The following AKT3 variants were observed in gnomAD, a reference collection of about 807,000 sequenced individuals.
AKT3 encodes RAC-gamma serine/threonine-protein kinase.
A neutral mutation model predicts 65.3 loss-of-function variants in AKT3; 15 were observed. The observed-to-expected ratio is 0.23, with a 90% CI of 0.15 to 0.35. AKT3 has a LOEUF of 0.35. Ranked by LOEUF, AKT3 falls within the 10% of genes least tolerant of loss-of-function variation. The probability of loss-of-function intolerance (pLI) is 1.00; values close to 1 mark genes in which losing one functional copy is unlikely to be tolerated. For missense variants in AKT3, 243 were observed against 576.5 expected, an observed-to-expected ratio of 0.42 and a Z score of 5.92; for synonymous variants, 206 against 183.8, an observed-to-expected ratio of 1.12 and a Z score of -0.98.
chr1:243,630,778 G>A (rs1455495283), intron 6 of AKT3, among the ~76,000 whole-genome samples: 1 of 151,794 alleles, frequency 6.6e-6, no homozygotes, highest in Non-Finnish European at 1.5e-5. Flanking sequence ...CTATACTTAA[G>A]TCTTCGGTGC....
At chr1:243,719,083 C>T (rs1324621948) in intron 2 of AKT3, among the ~76,000 whole-genome samples, 1 of 152,132 alleles carries the variant, frequency 6.6e-6, no homozygotes, top group African/African-American at 2.4e-5. Flanking sequence ...ATAAGGTATG[C>T]AGTTCTATTC....
At chr1:243,527,328 TTTC>T (rs1671173663) in intron 12 of AKT3, among the ~76,000 whole-genome samples, 2 of 152,208 alleles carry the variant, frequency 1.3e-5, no homozygotes, top group South Asian at 4.1e-4. Context: ...GGCAAGATTT[TTTC>T]TTCTTTTCTG....
At chr1:243,792,420 A>G (rs892362820) in intron 2 of AKT3, among the ~76,000 whole-genome samples, 2 of 152,182 alleles carry the variant, frequency 1.3e-5, no homozygotes, top group Admixed American at 6.5e-5. Context: ...TGCTGACAAG[A>G]TATTATGGAA....
intron 2 of AKT3, among the ~76,000 whole-genome samples, chr1:243,817,559 G>A (rs1693607075): frequency 6.6e-6 from 1 of 152,176 alleles, no homozygotes; most frequent in Non-Finnish European, 1.5e-5. Flanking sequence ...TGGCCAACAT[G>A]GTGAAACCCC....
intron 2 of AKT3, among the ~76,000 whole-genome samples, chr1:243,803,810 T>C (rs1364342535): frequency 1.3e-5 from 2 of 152,192 alleles, no homozygotes; most frequent in Non-Finnish European, 2.9e-5. Flanking sequence ...CAATCAAGTT[T>C]GCCATCCCCC....
intron 6 of AKT3, among the ~76,000 whole-genome samples, chr1:243,630,398 C>G (rs1012518590): frequency 1.4e-4 from 21 of 152,138 alleles, no homozygotes; most frequent in African/African-American, 5.1e-4. Flanking sequence ...CACTAGAAAA[C>G]AAGTTATCTG....
intron 8 of AKT3, among the ~76,000 whole-genome samples, chr1:243,613,188 TACAC>T (rs3077730): frequency 1.4e-5 from 2 of 146,546 alleles, no homozygotes; most frequent in African/African-American, 2.5e-5. Context: ...CATATATACA[TACAC>T]ACACACACAT....
intron 1 of AKT3, among the ~76,000 whole-genome samples, chr1:243,846,285 TC>T (rs747121699): frequency 1.2e-4 from 18 of 152,094 alleles, no homozygotes; most frequent in Non-Finnish European, 2.2e-4. Context: ...ACATGTAAAA[TC>T]CTCCTAAAAT....
At chr1:243,628,117 CCCGGGCATTA>C (rs1679318876) in intron 6 of AKT3, among the ~76,000 whole-genome samples, 1 of 152,116 alleles carries the variant, frequency 6.6e-6, no homozygotes, top group South Asian at 2.1e-4. Flanking sequence ...TTGGTTTGCT[CCCGGGCATTA>C]ACTGCAACTG....
At chr1:243,529,494 T>G (rs1209712203) in intron 12 of AKT3, among the ~76,000 whole-genome samples, 1 of 152,228 alleles carries the variant, frequency 6.6e-6, no homozygotes, top group African/African-American at 2.4e-5. Context: ...GGGTCCAGTT[T>G]CCACCTTCTC....
At chr1:243,538,969 T>C (rs1672110017) in intron 12 of AKT3, among the ~76,000 whole-genome samples, 2 of 152,188 alleles carry the variant, frequency 1.3e-5, no homozygotes, top group African/African-American at 4.8e-5. Context: ...ACGATCATAG[T>C]TGACGACATC....
intron 2 of AKT3, among the ~76,000 whole-genome samples, chr1:243,821,514 T>C (rs950809962): frequency 1.3e-5 from 2 of 152,086 alleles, no homozygotes; most frequent in African/African-American, 4.8e-5. Flanking sequence ...TCAAGACCCA[T>C]CAGTGTGCTG....
chr1:243,793,265 T>C (rs920517487), intron 2 of AKT3: 2 of 152,180 alleles, frequency 1.3e-5, no homozygotes, highest in Admixed American at 6.5e-5. Flanking sequence ...TTTTTTTACA[T>C]ATTTTTAGGG....
At position 243,503,740 on chromosome 1, in the gene AKT3, G is replaced by A. The variant is rs767739715; in HGVS notation, c.*1509C>T. 2.2e-5 allele frequency: 5 copies of A among 231,474 alleles called. No individual in the cohort carries two copies. The highest frequency in any genetic ancestry group is 3.4e-5 in the Non-Finnish European group (4 of 116,880). 14.3% of individuals were successfully genotyped at this position (231,474 alleles called of 1,614,324 possible). A position where few individuals can be genotyped will look rare whatever the true frequency, so the allele number is the denominator to read the frequency against. On this transcript the variant is annotated 3_prime_UTR_variant, in exon 14 of 14. Coordinates refer to ENST00000673466, the MANE Select transcript of AKT3 (RefSeq NM_005465.7). Reference sequence around the variant, plus strand: ...CTTTTTTTGTTGTTTTTTCCCTGATGGCTTAATTCAGTGATAAATGTACCA... The same window carrying A: ...CTTTTTTTGTTGTTTTTTCCCTGATAGCTTAATTCAGTGATAAATGTACCA...
chr1:243,849,730 C>A (rs900464177), intron 1 of AKT3, among the ~76,000 whole-genome samples: 1 of 151,620 alleles, frequency 6.6e-6, no homozygotes, highest in Non-Finnish European at 1.5e-5. Context: ...CAGACGGTAC[C>A]GCTAGGCCGG....
intron 10 of AKT3, among the ~76,000 whole-genome samples, chr1:243,554,782 C>CT (rs60836935): frequency 6.0e-4 from 89 of 148,700 alleles, no homozygotes; most frequent in South Asian, 4.5e-3. Context: ...TTTTTAACCT[C>CT]TTTTTTTTTT....
At chr1:243,744,733 C>A (rs1263713810) in intron 2 of AKT3, among the ~76,000 whole-genome samples, 1 of 137,394 alleles carries the variant, frequency 7.3e-6, no homozygotes, top group Non-Finnish European at 1.5e-5. Context: ...AGCGAGACTC[C>A]GTCTCAAAAA....
At chr1:243,754,517 T>C (rs984059492) in intron 2 of AKT3, among the ~76,000 whole-genome samples, 1 of 152,090 alleles carries the variant, frequency 6.6e-6, no homozygotes, top group African/African-American at 2.4e-5. Context: ...TCCCCACCCC[T>C]GGGCCGCGGA....
At chr1:243,589,479 A>G (rs1676071770) in intron 8 of AKT3, among the ~76,000 whole-genome samples, 1 of 152,142 alleles carries the variant, frequency 6.6e-6, no homozygotes, top group Non-Finnish European at 1.5e-5. Flanking sequence ...CAAAACCACA[A>G]TGAGATATTA....
Sources: allele counts gnomAD v4.1 joint callset (sites outside exome capture counted in the v4.1 genomes callset), GRCh38; gene constraint gnomAD v4.1.1; transcripts MANE v1.5; gene names NCBI Gene and HGNC (gene_info 2026-07-23, HGNC 2026-07-21).